ATXN8OS: variants seen among roughly 807,000 people sequenced by gnomAD.
The protein encoded by ATXN8OS is ATXN8 opposite strand (non-protein coding).
Position 70,139,247 on chromosome 13 carries a change from T to C in ATXN8OS, n.500-8108T>C, listed in dbSNP as rs997755716. The C allele has an allele frequency of 3.7e-5, 17 of 456,054 alleles. No homozygotes were observed. The highest frequency in any genetic ancestry group is 6.6e-5 in the Non-Finnish European group (17 of 257,928). 28.3% of individuals were successfully genotyped at this position (456,054 alleles called of 1,614,324 possible). A position where few individuals can be genotyped will look rare whatever the true frequency, so the allele number is the denominator to read the frequency against. The stretch of plus-strand genomic sequence containing the variant: ...CATTTGTCCTTGCATTCAGATTGCC[T>C]TTTCTGACTCCCAGCTTCCACGGAG... On this transcript the variant is annotated intron_variant and non_coding_transcript_variant, in intron 3 of 4. Coordinates refer to ENST00000678624, the Ensembl canonical transcript of ATXN8OS.
chr13:70,116,845 C>T (rs748894854), intron 2 of ATXN8OS, among the ~76,000 whole-genome samples: 16 of 152,040 alleles, frequency 1.1e-4, no homozygotes, highest in Non-Finnish European at 2.2e-4. Context: ...CATAGGGAAT[C>T]GATTTTCCCT....
intron 3 of ATXN8OS, among the ~76,000 whole-genome samples, chr13:70,133,010 T>C (rs1888556532): frequency 6.6e-6 from 1 of 152,228 alleles, no homozygotes; most frequent in African/African-American, 2.4e-5. Context: ...TTGGGACTAA[T>C]ATTCAACCCT....
intron 2 of ATXN8OS, among the ~76,000 whole-genome samples, chr13:70,116,803 G>A (rs2137472100): frequency 6.6e-6 from 1 of 152,242 alleles, no homozygotes; most frequent in African/African-American, 2.4e-5. Context: ...TGATGTAAAT[G>A]TGGACCAGAC....
chr13:70,108,618 C>T (rs1399643080), intron 1 of ATXN8OS: 4 of 152,214 alleles, frequency 2.6e-5, no homozygotes, highest in Non-Finnish European at 5.9e-5. Context: ...GGTCTTGTCA[C>T]CTTTTTTCAC....
intron 1 of ATXN8OS, among the ~76,000 whole-genome samples, chr13:70,113,327 C>T (rs1025840): frequency 0.25 from 37,663 of 151,802 alleles, 4,798 homozygotes; most frequent in Admixed American, 0.3. Flanking sequence ...TATACATATA[C>T]ATTTAATAAG....
intron 3 of ATXN8OS, among the ~76,000 whole-genome samples, chr13:70,133,514 G>A (rs964637758): frequency 8.5e-5 from 13 of 152,202 alleles, no homozygotes; most frequent in Middle Eastern, 3.2e-3. Flanking sequence ...AATTCCTAAT[G>A]CCATGTACCT....
chr13:70,124,345 G>A (rs1161736633), intron 2 of ATXN8OS, among the ~76,000 whole-genome samples: 2 of 152,142 alleles, frequency 1.3e-5, no homozygotes, highest in Non-Finnish European at 1.5e-5. Flanking sequence ...ATAATGTCAC[G>A]AGGTTGTGTG....
At chr13:70,144,825 C>T (rs1469436360) in intron 3 of ATXN8OS, among the ~76,000 whole-genome samples, 1 of 152,050 alleles carries the variant, frequency 6.6e-6, no homozygotes, top group Non-Finnish European at 1.5e-5. Context: ...AATAGTTTTC[C>T]ACCTTACATT....
chr13:70,139,383 A>ACTACTACTACTACTACTACTGCTGCTG, intron 3 of ATXN8OS: 10 of 458,354 alleles, frequency 2.2e-5, no homozygotes, highest in African/African-American at 1.5e-4. Flanking sequence ...TACTACTACT[A>ACTACTACTACTACTACTACTGCTGCTG]CTGCTGCTGC....
In ATXN8OS at chr13:70,160,174, G is replaced by C. The variant is rs529370631; in HGVS notation, n.574-9579G>C. 1.3e-4 allele frequency among the ~76,000 whole-genome samples: 16 copies of C among 121,612 alleles called. No individual in the cohort carries two copies. The East Asian group carries it at 3.9e-3, about 30-fold the overall frequency. 79.8% of individuals were successfully genotyped at this position (121,612 alleles called of 152,430 possible). A position where few individuals can be genotyped will look rare whatever the true frequency, so the allele number is the denominator to read the frequency against. On this transcript the variant is annotated intron_variant and non_coding_transcript_variant, in intron 4 of 4. Transcript: ENST00000678624. ...GGTATCATTTTTGTTGACTTTTTGTGAGCACTCAGTCTGTTGACTTATTGG... is the reference window on the plus strand; with the variant it reads ...GGTATCATTTTTGTTGACTTTTTGTCAGCACTCAGTCTGTTGACTTATTGG...
intron 4 of ATXN8OS, among the ~76,000 whole-genome samples, chr13:70,157,150 A>G (rs1004870012): frequency 1.3e-5 from 2 of 152,158 alleles, no homozygotes; most frequent in Admixed American, 6.5e-5. Flanking sequence ...GCTCGTAACA[A>G]CATTATTTTA....
chr13:70,118,620 G>T (rs181611498), intron 2 of ATXN8OS, among the ~76,000 whole-genome samples: 2 of 152,108 alleles, frequency 1.3e-5, no homozygotes, highest in African/African-American at 4.8e-5. Flanking sequence ...TTGTTTCAAA[G>T]AAACAGGCTA....
intron 4 of ATXN8OS, among the ~76,000 whole-genome samples, chr13:70,151,986 TTA>T (rs1888874635): frequency 6.6e-6 from 1 of 152,126 alleles, no homozygotes; most frequent in South Asian, 2.1e-4. Context: ...AGCATACATT[TTA>T]TAGTCTTTAT....
intron 4 of ATXN8OS, among the ~76,000 whole-genome samples, chr13:70,167,723 C>T (rs1269924466): frequency 0.012 from 728 of 61,734 alleles, 8 homozygotes; most frequent in African/African-American, 0.034. Flanking sequence ...TATGTAACTT[C>T]TTTTTTTTTT....
At chr13:70,136,936 G>A (rs901131134) in intron 3 of ATXN8OS, among the ~76,000 whole-genome samples, 20 of 152,214 alleles carry the variant, frequency 1.3e-4, no homozygotes, top group African/African-American at 4.8e-4. Context: ...TCACAGACAA[G>A]ATTCCAGTGT....
intron 1 of ATXN8OS, among the ~76,000 whole-genome samples, chr13:70,110,314 G>GA (rs775994622): frequency 3.3e-5 from 5 of 151,816 alleles, no homozygotes; most frequent in East Asian, 1.9e-4. Context: ...ATATAAGTTT[G>GA]AAAAAATCAC....
At chr13:70,121,322 A>T (rs1350701078) in intron 2 of ATXN8OS, among the ~76,000 whole-genome samples, 2 of 152,146 alleles carry the variant, frequency 1.3e-5, no homozygotes, top group East Asian at 3.9e-4. Flanking sequence ...TGCTCATGAT[A>T]GTGTGGGAGG....
intron 3 of ATXN8OS, among the ~76,000 whole-genome samples, chr13:70,133,084 G>C (rs551004242): frequency 2.6e-5 from 4 of 152,120 alleles, no homozygotes; most frequent in African/African-American, 7.2e-5. Context: ...ATAGAGCTAG[G>C]AGAGGCAGTT....
At chr13:70,120,145 A>T (rs1888336992) in intron 2 of ATXN8OS, among the ~76,000 whole-genome samples, 1 of 152,112 alleles carries the variant, frequency 6.6e-6, no homozygotes, top group Non-Finnish European at 1.5e-5. Flanking sequence ...TATCATTACC[A>T]TGGAGGTTAT....
Sources: allele counts gnomAD v4.1 joint callset (sites outside exome capture counted in the v4.1 genomes callset), GRCh38; gene constraint gnomAD v4.1.1; transcripts MANE v1.5; gene names NCBI Gene and HGNC (gene_info 2026-07-23, HGNC 2026-07-21).